The following RETREG1 variants were observed in gnomAD, a reference collection of about 807,000 sequenced individuals.
RETREG1 encodes the protein reticulophagy regulator 1, also known as family with sequence similarity 134 member B.
In RETREG1, 44 loss-of-function variants were observed where a neutral mutation model predicts 54.8. That is an observed-to-expected ratio of 0.80 (90% CI 0.63 to 1.03). RETREG1 has a LOEUF of 1.03. RETREG1 is among the 50% of genes least tolerant of loss of function. RETREG1 has a pLI of 0.00. For synonymous variants in RETREG1, 217 were observed against 238.5 expected, an observed-to-expected ratio of 0.91 and a Z score of 0.83; for missense variants, 554 against 605.1, an observed-to-expected ratio of 0.92 and a Z score of 0.89.
intron 3 of RETREG1, among the ~76,000 whole-genome samples, chr5:16,507,011 C>A (rs1036083774): frequency 6.6e-6 from 1 of 152,084 alleles, no homozygotes; most frequent in Non-Finnish European, 1.5e-5. Flanking sequence ...TCTATACACT[C>A]CTATCTGGTT....
At chr5:16,574,521 C>T (rs1164895634) in intron 1 of RETREG1, among the ~76,000 whole-genome samples, 1 of 152,078 alleles carries the variant, frequency 6.6e-6, no homozygotes, top group Non-Finnish European at 1.5e-5. Context: ...TGGGTAGAGC[C>T]CTCCACCAGA....
At chr5:16,564,268 T>C (rs561717982) in intron 3 of RETREG1, among the ~76,000 whole-genome samples, 1 of 152,362 alleles carries the variant, frequency 6.6e-6, no homozygotes, top group African/African-American at 2.4e-5. Flanking sequence ...AAACTATGTA[T>C]GAAATTCCTT....
At chr5:16,535,451 C>T (rs536328033) in intron 3 of RETREG1, among the ~76,000 whole-genome samples, 12 of 151,612 alleles carry the variant, frequency 7.9e-5, no homozygotes, top group East Asian at 3.9e-4. Context: ...TTCCTCCATG[C>T]GTGCGCCTTT....
intron 3 of RETREG1, among the ~76,000 whole-genome samples, chr5:16,520,202 G>A (rs1387657675): frequency 2.0e-5 from 3 of 152,300 alleles, no homozygotes; most frequent in African/African-American, 7.2e-5. Context: ...AAACACGGGC[G>A]AAGAGTCAGA....
chr5:16,601,391 CTTTTT>C (rs530475440), intron 1 of RETREG1, among the ~76,000 whole-genome samples: 1 of 140,816 alleles, frequency 7.1e-6, no homozygotes, highest in African/African-American at 2.6e-5. Context: ...GAGGAATTTT[CTTTTT>C]TTTTTTTTCT....
chr5:16,509,704 T>G (rs1184349385), intron 3 of RETREG1, among the ~76,000 whole-genome samples: 1 of 152,180 alleles, frequency 6.6e-6, no homozygotes, highest in Non-Finnish European at 1.5e-5. Flanking sequence ...AATATTATTT[T>G]CAAAATGTGT....
At position 16,478,015 on chromosome 5, in the gene RETREG1, A is replaced by C. The variant is rs1448859252; in HGVS notation, c.873+19T>G. The C allele has an allele frequency of 6.3e-7, 1 of 1,593,920 alleles. No individual in the cohort carries two copies. Among genetic ancestry groups the C allele is most frequent in the East Asian group, 2.2e-5 (1 of 44,670 alleles). On this transcript the variant is annotated intron_variant, in intron 7 of 8. Coordinates refer to ENST00000306320, the MANE Select transcript of RETREG1 (RefSeq NM_001034850.3). The stretch of plus-strand genomic sequence containing the variant: ...AGTCAAACCACACAGGAACAAATTG[A>C]AAACTAAACAAAAAATACCTTAGGA...
chr5:16,601,342 G>C (rs111909926), intron 1 of RETREG1, among the ~76,000 whole-genome samples: 1,962 of 132,340 alleles, frequency 0.015, 43 homozygotes, highest in African/African-American at 0.047. Context: ...CCTGTCTCTA[G>C]AAACAAAATT....
intron 2 of RETREG1, among the ~76,000 whole-genome samples, chr5:16,570,327 A>G (rs975495698): frequency 1.3e-5 from 2 of 152,234 alleles, no homozygotes; most frequent in Non-Finnish European, 2.9e-5. Flanking sequence ...TATCAAGCCC[A>G]TGAGTCAACA....
At chr5:16,556,300 C>T (rs1741706810) in intron 3 of RETREG1, among the ~76,000 whole-genome samples, 1 of 151,982 alleles carries the variant, frequency 6.6e-6, no homozygotes, top group African/African-American at 2.4e-5. Flanking sequence ...GGACTACAGG[C>T]ACCCGCCGCC....
At chr5:16,505,728 G>A (rs2447806) in intron 3 of RETREG1, among the ~76,000 whole-genome samples, 43,591 of 151,924 alleles carry the variant, frequency 0.29, 6,608 homozygotes, top group East Asian at 0.48. Context: ...CCAGGCCCCG[G>A]CTCCAAGGTG....
intron 3 of RETREG1, among the ~76,000 whole-genome samples, chr5:16,562,036 C>A (rs182189744): frequency 6.6e-6 from 1 of 152,188 alleles, no homozygotes; most frequent in Non-Finnish European, 1.5e-5. Context: ...AAGACACTGC[C>A]GGGCACAGTG....
chr5:16,595,090 A>G (rs149447), intron 1 of RETREG1, among the ~76,000 whole-genome samples: 1 of 152,040 alleles, frequency 6.6e-6, no homozygotes. Flanking sequence ...TATGCAACTC[A>G]TAAGTAACTG....
chr5:16,533,339 G>A (rs149859849), intron 3 of RETREG1, among the ~76,000 whole-genome samples: 620 of 152,202 alleles, frequency 4.1e-3, no homozygotes, highest in Non-Finnish European at 7.0e-3. Flanking sequence ...CACCACGCCC[G>A]GCTGATAATA....
At chr5:16,496,114 G>C (rs970073997) in intron 3 of RETREG1, among the ~76,000 whole-genome samples, 1 of 151,550 alleles carries the variant, frequency 6.6e-6, no homozygotes, top group Non-Finnish European at 1.5e-5. Flanking sequence ...TTTTAGTTTT[G>C]TCCACACTTA....
At chr5:16,481,682 TCTAAGTCAC>T (rs1447316126) in intron 4 of RETREG1, among the ~76,000 whole-genome samples, 6 of 152,040 alleles carry the variant, frequency 3.9e-5, no homozygotes, top group African/African-American at 1.4e-4. Flanking sequence ...TGACCCCACT[TCTAAGTCAC>T]CTAGAAAAAA....
chr5:16,568,416 T>C (rs1389317125), intron 2 of RETREG1, among the ~76,000 whole-genome samples: 3 of 151,912 alleles, frequency 2.0e-5, no homozygotes, highest in African/African-American at 7.3e-5. Flanking sequence ...GGATTACAGG[T>C]GCCCACCACC....
At chr5:16,491,959 CA>C (rs1739266061) in intron 3 of RETREG1, among the ~76,000 whole-genome samples, 1 of 152,142 alleles carries the variant, frequency 6.6e-6, no homozygotes, top group Non-Finnish European at 1.5e-5. Flanking sequence ...TTTCTGCGGG[CA>C]AAACTTGAGC....
At chr5:16,562,216 G>A (rs563626082) in intron 3 of RETREG1, among the ~76,000 whole-genome samples, 5 of 152,340 alleles carry the variant, frequency 3.3e-5, no homozygotes, top group South Asian at 2.1e-4. Flanking sequence ...TCGGGAGGCT[G>A]AGGCAGGAGA....
Sources: allele counts gnomAD v4.1 joint callset (sites outside exome capture counted in the v4.1 genomes callset), GRCh38; gene constraint gnomAD v4.1.1; transcripts MANE v1.5; gene names NCBI Gene and HGNC (gene_info 2026-07-23, HGNC 2026-07-21).